Variants in TCF12 observed in about 807,000 individuals in gnomAD.
TCF12 encodes the protein DNA-binding protein HTF4.
Under a neutral mutation model 86.0 loss-of-function variants are expected in TCF12, and 45 were observed. The ratio of observed to expected loss-of-function variants is 0.52; its 90% CI spans 0.41 to 0.67. The LOEUF (loss-of-function observed/expected upper bound fraction) is 0.67, where lower values mean the gene tolerates loss of function less well. Among genes scored for constraint, TCF12 ranks in the 30% least tolerant of loss-of-function variants. TCF12 has a pLI of 0.00. For synonymous variants in TCF12, 330 were observed against 299.6 expected, an observed-to-expected ratio of 1.10 and a Z score of -1.05; for missense variants, 881 against 859.9, an observed-to-expected ratio of 1.02 and a Z score of -0.31.
At chr15:57,247,042 T>C (rs2059896786) in intron 13 of TCF12, 2 of 554,258 alleles carry the variant, frequency 3.6e-6, no homozygotes, top group Non-Finnish European at 7.0e-6. Context: ...CCCCCTTTCA[T>C]GGGTTCATAG....
chr15:56,989,927 T>C (rs1182201774), intron 3 of TCF12, among the ~76,000 whole-genome samples: 3 of 152,196 alleles, frequency 2.0e-5, no homozygotes, highest in African/African-American at 7.2e-5. Context: ...GCTGTTTTTC[T>C]AACTTCAGAG....
chr15:57,116,546 A>G (rs1197327973), intron 5 of TCF12, among the ~76,000 whole-genome samples: 3 of 151,834 alleles, frequency 2.0e-5, no homozygotes, highest in Non-Finnish European at 2.9e-5. Context: ...AGGGTTTTGC[A>G]GTGTTGCCCA....
chr15:57,187,993 C>A (rs552398371), intron 6 of TCF12, among the ~76,000 whole-genome samples: 1 of 151,732 alleles, frequency 6.6e-6, no homozygotes, highest in Non-Finnish European at 1.5e-5. Flanking sequence ...AAAAGGTATC[C>A]AAATTGTAAA....
At chr15:57,199,822 T>G (rs1198203908) in intron 8 of TCF12, among the ~76,000 whole-genome samples, 1 of 152,182 alleles carries the variant, frequency 6.6e-6, no homozygotes. Flanking sequence ...CACATTCATT[T>G]TAATTAACTG....
chr15:57,272,161 A>C lies in TCF12; in HGVS notation c.1746-869A>C, dbSNP rs1004889355. ...TGGGCCATTGTCTGAATGTACTATG[A>C]TTTATTGAACCCATTTGCTATTATT... On this transcript the variant is annotated intron_variant, in intron 18 of 20. Transcript: ENST00000333725. Among the ~76,000 whole-genome samples the C allele has an allele frequency of 2.6e-5, 4 of 152,324 alleles. No individual in the cohort carries two copies. The East Asian group carries it at 7.7e-4, about 29-fold the overall frequency.
At chr15:57,038,500 A>G (rs1030857829) in intron 3 of TCF12, among the ~76,000 whole-genome samples, 4 of 152,066 alleles carry the variant, frequency 2.6e-5, no homozygotes, top group African/African-American at 7.2e-5. Flanking sequence ...AGAAAAAAAT[A>G]TCTGGGTACT....
At chr15:57,127,313 C>T (rs1210830506) in intron 5 of TCF12, among the ~76,000 whole-genome samples, 8 of 151,730 alleles carry the variant, frequency 5.3e-5, no homozygotes, top group African/African-American at 1.5e-4. Context: ...TTTTTTTATT[C>T]ATACATCCAG....
At chr15:56,999,123 G>A (rs1379282283) in intron 3 of TCF12, among the ~76,000 whole-genome samples, 2 of 151,834 alleles carry the variant, frequency 1.3e-5, no homozygotes, top group East Asian at 1.9e-4. Flanking sequence ...GCGTGAACCC[G>A]GGAAGCGGAG....
At chr15:57,215,116 C>A (rs1566927873) in intron 8 of TCF12, among the ~76,000 whole-genome samples, 1 of 152,094 alleles carries the variant, frequency 6.6e-6, no homozygotes. Context: ...ACCAGAATAA[C>A]AACTTTCTGA....
chr15:57,281,104 CTTT>C (rs5812880), intron 19 of TCF12, among the ~76,000 whole-genome samples: 11 of 133,944 alleles, frequency 8.2e-5, no homozygotes, highest in Admixed American at 1.5e-4. Flanking sequence ...GCACCCTATT[CTTT>C]TTTTTTTTTT....
At chr15:57,132,198 A>G (rs1377559888) in intron 5 of TCF12, among the ~76,000 whole-genome samples, 2 of 152,174 alleles carry the variant, frequency 1.3e-5, no homozygotes, top group African/African-American at 2.4e-5. Context: ...TATTTTGACT[A>G]ATCACTAGAT....
chr15:57,215,171 T>C (rs528527753), intron 8 of TCF12, among the ~76,000 whole-genome samples: 1 of 152,276 alleles, frequency 6.6e-6, no homozygotes, highest in Non-Finnish European at 1.5e-5. Context: ...GTCTGCAATA[T>C]AATGTTCAGA....
chr15:56,990,792 T>C (rs11854015), intron 3 of TCF12, among the ~76,000 whole-genome samples: 58,323 of 122,664 alleles, frequency 0.48, 14,021 homozygotes, highest in Non-Finnish European at 0.56. Context: ...AGAATTTTTT[T>C]CTTTTTCTTT....
At chr15:56,960,524 G>A (rs1201524337) in intron 3 of TCF12, among the ~76,000 whole-genome samples, 2 of 150,112 alleles carry the variant, frequency 1.3e-5, no homozygotes, top group African/African-American at 4.9e-5. Flanking sequence ...CTGCCTCCCC[G>A]GTTCAAGTGA....
intron 16 of TCF12, among the ~76,000 whole-genome samples, chr15:57,254,874 A>AAAAG (rs370729299): frequency 0.1 from 11,218 of 107,680 alleles, 764 homozygotes; most frequent in African/African-American, 0.14. Context: ...AAAAAAAAAA[A>AAAAG]AAAGAAAGAA....
At chr15:57,138,764 A>G (rs1346047371) in intron 5 of TCF12, among the ~76,000 whole-genome samples, 4 of 152,184 alleles carry the variant, frequency 2.6e-5, no homozygotes, top group Non-Finnish European at 4.4e-5. Context: ...ATAAAAAGCA[A>G]ATGACCAGGT....
intron 12 of TCF12, among the ~76,000 whole-genome samples, chr15:57,237,135 AAGAG>A (rs879689203): frequency 1.7e-4 from 25 of 150,352 alleles, no homozygotes; most frequent in Admixed American, 3.3e-4. Context: ...GCAAGGGAAA[AAGAG>A]AGAGAGAGAG....
intron 3 of TCF12, among the ~76,000 whole-genome samples, chr15:56,989,825 G>A (rs1191072090): frequency 1.3e-5 from 2 of 152,190 alleles, no homozygotes; most frequent in African/African-American, 2.4e-5. Context: ...ATTAGGAGAT[G>A]AGGATACTGT....
chr15:57,064,534 C>T (rs2068705348), intron 4 of TCF12, among the ~76,000 whole-genome samples: 1 of 152,092 alleles, frequency 6.6e-6, no homozygotes, highest in Admixed American at 6.6e-5. Flanking sequence ...GTGGCTCATG[C>T]CTGTAATCCC....
Sources: allele counts gnomAD v4.1 joint callset (sites outside exome capture counted in the v4.1 genomes callset), GRCh38; gene constraint gnomAD v4.1.1; transcripts MANE v1.5; gene names NCBI Gene and HGNC (gene_info 2026-07-23, HGNC 2026-07-21).